Variants in NRG3 observed in about 807,000 individuals in gnomAD.
The protein encoded by NRG3 is neuregulin 3.
In NRG3, 31 loss-of-function variants were observed where a neutral mutation model predicts 66.9. The ratio of observed to expected loss-of-function variants is 0.46; its 90% CI spans 0.35 to 0.63. The LOEUF is 0.63. NRG3 is among the 20% of genes least tolerant of loss of function. The pLI is 0.00. For synonymous variants in NRG3, 393 were observed against 359.4 expected, an observed-to-expected ratio of 1.09 and a Z score of -1.06; for missense variants, 910 against 878.9, an observed-to-expected ratio of 1.04 and a Z score of -0.45.
chr10:82,600,692 A>G (rs2047569395), intron 2 of NRG3, among the ~76,000 whole-genome samples: 1 of 151,816 alleles, frequency 6.6e-6, no homozygotes, highest in East Asian at 1.9e-4. Context: ...CTGGTCTCGA[A>G]CTCCTGACCT....
chr10:82,696,540 A>G (rs1448801332), intron 2 of NRG3, among the ~76,000 whole-genome samples: 1 of 152,128 alleles, frequency 6.6e-6, no homozygotes, highest in Non-Finnish European at 1.5e-5. Flanking sequence ...TATTGTCTAG[A>G]GCTAGCCATA....
rs549578979 is a variant in NRG3 at position 82,814,316 on chromosome 10, A to G, written c.1028-51095A>G. 2.1e-4 allele frequency among the ~76,000 whole-genome samples: 32 copies of G among 152,360 alleles called. No individual in the cohort carries two copies. In the South Asian group the frequency reaches 4.1e-3, roughly 20 times the overall value. Reference sequence around the variant, plus strand: ...TCTAATTAAACTGAGATGGAGAAAGATAAAATGATCATTAATTTACATTAA... The same window carrying G: ...TCTAATTAAACTGAGATGGAGAAAGGTAAAATGATCATTAATTTACATTAA... On this transcript the variant is annotated intron_variant, in intron 3 of 8. Coordinates refer to ENST00000372141, the MANE Select transcript of NRG3 (RefSeq NM_001010848.4).
chr10:82,338,010 G>A (rs189911961), intron 1 of NRG3, among the ~76,000 whole-genome samples: 1 of 152,306 alleles, frequency 6.6e-6, no homozygotes. Context: ...TTTGTCCCAT[G>A]TACATATGCT....
At chr10:81,939,076 A>G (rs561470862) in intron 1 of NRG3, among the ~76,000 whole-genome samples, 39 of 152,094 alleles carry the variant, frequency 2.6e-4, no homozygotes, top group Middle Eastern at 6.8e-3. Flanking sequence ...GATTTTTCAT[A>G]TGTTGAACCA....
chr10:82,651,404 G>C lies in NRG3; in HGVS notation c.954-87173G>C, dbSNP rs145324017. On this transcript the variant is annotated intron_variant, in intron 2 of 8. Coordinates refer to ENST00000372141, the MANE Select transcript of NRG3 (RefSeq NM_001010848.4). The stretch of plus-strand genomic sequence containing the variant: ...ATGGGGACTTCTAACAAATATTGAT[G>C]AAGTGAAGGAATGAGACTTCCAAGA... 7.2e-4 allele frequency among the ~76,000 whole-genome samples: 110 copies of C among 152,344 alleles called. 4 individuals are homozygous for C. In the East Asian group the frequency reaches 0.018, roughly 24 times the overall value.
At chr10:82,916,601 T>C (rs981459750) in intron 4 of NRG3, among the ~76,000 whole-genome samples, 1 of 151,838 alleles carries the variant, frequency 6.6e-6, no homozygotes, top group Non-Finnish European at 1.5e-5. Context: ...TTAAGTACAA[T>C]TGTACAGTAT....
chr10:82,948,418 C>T (rs1849221788), intron 4 of NRG3, among the ~76,000 whole-genome samples: 2 of 151,972 alleles, frequency 1.3e-5, no homozygotes, highest in African/African-American at 4.8e-5. Flanking sequence ...TTTGTATTTC[C>T]ATAAAACATT....
chr10:82,695,879 G>T (rs1000129730), intron 2 of NRG3, among the ~76,000 whole-genome samples: 1 of 151,998 alleles, frequency 6.6e-6, no homozygotes, highest in Admixed American at 6.6e-5. Context: ...GGGGGGAATG[G>T]CCTCTCCCTT....
intron 1 of NRG3, among the ~76,000 whole-genome samples, chr10:81,905,371 G>T (rs898188379): frequency 6.6e-6 from 1 of 152,096 alleles, no homozygotes; most frequent in African/African-American, 2.4e-5. Flanking sequence ...CAAAGCCTCT[G>T]GCTACCTGGA....
chr10:82,259,474 C>T (rs1283677662), intron 1 of NRG3, among the ~76,000 whole-genome samples: 1 of 152,176 alleles, frequency 6.6e-6, no homozygotes, highest in East Asian at 1.9e-4. Flanking sequence ...AGCACCTACA[C>T]TCCTCTTTAT....
intron 2 of NRG3, among the ~76,000 whole-genome samples, chr10:82,437,834 G>A (rs1349667590): frequency 6.6e-6 from 1 of 152,086 alleles, no homozygotes; most frequent in Non-Finnish European, 1.5e-5. Flanking sequence ...TTTGCTGGGG[G>A]CTCACTTCAG....
chr10:81,948,612 A>G (rs895862818), intron 1 of NRG3, among the ~76,000 whole-genome samples: 4 of 152,174 alleles, frequency 2.6e-5, no homozygotes, highest in Admixed American at 6.6e-5. Context: ...AGTGCTGTAC[A>G]GTGGGAAGAT....
At chr10:82,665,061 A>G (rs776017265) in intron 2 of NRG3, among the ~76,000 whole-genome samples, 8 of 152,154 alleles carry the variant, frequency 5.3e-5, no homozygotes, top group Non-Finnish European at 1.2e-4. Context: ...GATACATGGA[A>G]TTCAGCTCCA....
intron 2 of NRG3, among the ~76,000 whole-genome samples, chr10:82,666,292 A>C (rs1402586820): frequency 6.6e-6 from 1 of 152,266 alleles, no homozygotes; most frequent in East Asian, 1.9e-4. Context: ...TCAAACCTTT[A>C]TTATAGCTCA....
intron 2 of NRG3, among the ~76,000 whole-genome samples, chr10:82,436,770 G>C (rs1328658167): frequency 1.3e-5 from 2 of 152,104 alleles, no homozygotes; most frequent in African/African-American, 4.8e-5. Context: ...GTCTGGAAAG[G>C]ATTTTATTTC....
intron 2 of NRG3, among the ~76,000 whole-genome samples, chr10:82,512,170 A>G (rs181190196): frequency 6.8e-4 from 104 of 151,946 alleles, no homozygotes; most frequent in South Asian, 1.2e-3. Context: ...TTATTATAAA[A>G]TCTATGAAAC....
At chr10:82,906,054 G>A (rs561763906) in intron 4 of NRG3, among the ~76,000 whole-genome samples, 7 of 152,212 alleles carry the variant, frequency 4.6e-5, no homozygotes, top group African/African-American at 9.6e-5. Flanking sequence ...ACCCAGCTAC[G>A]TGCTATCCTG....
intron 2 of NRG3, among the ~76,000 whole-genome samples, chr10:82,371,608 T>C (rs1212089742): frequency 2.6e-5 from 4 of 152,138 alleles, no homozygotes; most frequent in Admixed American, 6.5e-5. Flanking sequence ...TATGCTCATA[T>C]CTGTTTTGTG....
At chr10:82,161,090 G>A (rs894890375) in intron 1 of NRG3, among the ~76,000 whole-genome samples, 1 of 151,796 alleles carries the variant, frequency 6.6e-6, no homozygotes, top group Non-Finnish European at 1.5e-5. Context: ...CAAGGTATAG[G>A]GAAGTATTAA....
Sources: gnomAD v4.1 joint callset for allele counts (sites outside exome capture counted in the v4.1 genomes callset) on GRCh38, gnomAD v4.1.1 for gene constraint, MANE v1.5 for transcripts, NCBI Gene and HGNC (gene_info 2026-07-23, HGNC 2026-07-21) for gene names.